The following NLRP9 variants were observed in gnomAD, a reference collection of about 807,000 sequenced individuals.
The protein encoded by NLRP9 is NLR family pyrin domain containing 9.
Under a neutral mutation model 83.1 loss-of-function variants are expected in NLRP9, and 88 were observed. The observed-to-expected ratio is 1.06, with a 90% CI of 0.89 to 1.26. NLRP9 has a LOEUF of 1.26. Ranked by LOEUF, NLRP9 falls within the 50% of genes most tolerant of loss-of-function variation. NLRP9 has a pLI of 0.00. For synonymous variants in NLRP9, 521 were observed against 447.6 expected (o/e 1.16, Z -2.07); for missense variants, 1,308 against 1,179.3 (o/e 1.11, Z -1.60).
In NLRP9 at chr19:55,729,892, G is replaced by T; in HGVS notation, c.1933C>A (p.Pro645Thr). Residue 645 changes from proline (P) to threonine (T), a missense_variant, in exon 3 of 9, where the codon CCC (proline) becomes ACC (threonine). Transcript: ENST00000332836. The part of the protein sequence containing the change: ...LDMENTSLDD[P>T]SLAILCKALA... ...GCTTTGCAAAGAATCGCCAGGGAGG[G>T]ATCATCGAGGCTGGTATTTTCCATG... is the stretch of plus-strand genomic sequence containing the variant. The T allele has an allele frequency of 1.2e-6, 2 of 1,613,678 alleles. No homozygotes were observed. The highest frequency in any genetic ancestry group is 1.7e-6 in the Non-Finnish European group (2 of 1,179,646).
At chr19:55,718,379 G>A (rs575257613) in intron 4 of NLRP9, among the ~76,000 whole-genome samples, 64 of 152,302 alleles carry the variant, frequency 4.2e-4, no homozygotes, top group Non-Finnish European at 4.6e-4. Context: ...TAAGAGGAAG[G>A]CTTCTGTCTC....
Position 55,733,039 on chromosome 19 carries a change from C to A in NLRP9, c.792G>T (p.Lys264Asn). Residue 264 changes from lysine to asparagine, a missense_variant, in exon 2 of 9, where the codon AAG (lysine) becomes AAT (asparagine). Lys to Asn is a moderately conservative substitution (Grantham distance 94, BLOSUM62 0). Coordinates refer to ENST00000332836, the MANE Select transcript of NLRP9 (RefSeq NM_176820.4). The part of the protein sequence containing the change: ...PIILSSLLQK[K>N]MLPESSLLIA... ...TAAGGAGAGAGGATTCTGGAAGCAT[C>A]TTTTTTTGCAACAAACTGCTCAGGA... The A allele has an allele frequency of 6.2e-7, 1 of 1,613,450 alleles. No individual in the cohort carries two copies. The highest frequency in any genetic ancestry group is 8.5e-7 in the Non-Finnish European group (1 of 1,179,876).
chr19:55,722,292 A>G lies in NLRP9; in HGVS notation c.2159+1688T>C, dbSNP rs545405057. ...ATAGATAAAACCCTATGCAAATAAC[A>G]TAATTATGAAATGGAGCAAAATACT... On this transcript the variant is annotated intron_variant, in intron 4 of 8. Coordinates refer to ENST00000332836, the MANE Select transcript of NLRP9 (RefSeq NM_176820.4). 2.2e-3 allele frequency among the ~76,000 whole-genome samples: 338 copies of G among 152,380 alleles called. 2 individuals carry two copies. Among genetic ancestry groups the G allele is most frequent in the Non-Finnish European group, 1.4e-3 (97 of 68,038 alleles).
chr19:55,720,981 T>G (rs763883754), intron 4 of NLRP9, among the ~76,000 whole-genome samples: 5 of 152,118 alleles, frequency 3.3e-5, no homozygotes, highest in Non-Finnish European at 5.9e-5. Flanking sequence ...CGAAGCAGAA[T>G]GGATTTGAAA....
At chr19:55,727,418 T>C (rs903202632) in intron 3 of NLRP9, among the ~76,000 whole-genome samples, 1 of 152,208 alleles carries the variant, frequency 6.6e-6, no homozygotes, top group African/African-American at 2.4e-5. Context: ...ATGTTACCAT[T>C]GACCTCATGT....
chr19:55,721,532 ACTCTAAT>A (rs905900741), intron 4 of NLRP9, among the ~76,000 whole-genome samples: 21 of 152,006 alleles, frequency 1.4e-4, no homozygotes, highest in Non-Finnish European at 1.5e-5. Context: ...GAGAAGCATC[ACTCTAAT>A]CTCTCCTAGG....
At chr19:55,719,425 T>A (rs1359892368) in intron 4 of NLRP9, among the ~76,000 whole-genome samples, 1 of 152,208 alleles carries the variant, frequency 6.6e-6, no homozygotes, top group Non-Finnish European at 1.5e-5. Flanking sequence ...AGTGCTGGGA[T>A]GACAGGTGTG....
chr19:55,732,515 T>TC lies in NLRP9; in HGVS notation c.1315dup (p.Asp439GlyfsTer29). ...ACACAGATGCATGAAGGCAAAACAG[T>TC]CCCCTCTCCTTTGGAGGAGTCTCAT... On this transcript the variant is annotated frameshift_variant, in exon 2 of 9. Coordinates refer to ENST00000332836, the MANE Select transcript of NLRP9 (RefSeq NM_176820.4). LOFTEE classifies it high-confidence loss of function. The TC allele has an allele frequency of 1.2e-6, 2 of 1,614,122 alleles. No homozygotes were observed. Among genetic ancestry groups the TC allele is most frequent in the Non-Finnish European group, 1.7e-6 (2 of 1,180,016 alleles).
intron 2 of NLRP9, 77 bp downstream of exon 2, chr19:55,731,922 C>T (rs1988583291): frequency 1.1e-6 from 1 of 892,648 alleles, no homozygotes. Flanking sequence ...TGGCATAAGG[C>T]CCATGAAATA....
In NLRP9 at chr19:55,712,422, G is replaced by A. The variant is rs146098794; in HGVS notation, c.2670C>T (p.Leu890=). ...LQHPHCKLEC[L]GLQTCPITRA... ...GATGGTGATCAGTAGATACTCACCC[G>A]AGACACTCTAATTTACAGTGAGGAT... Residue 890 remains leucine (L), a splice_region_variant and synonymous_variant, in exon 7 of 9, where the codon CTC becomes CTT. Transcript: ENST00000332836. 14,849 of 1,611,274 alleles carry A rather than the reference G, an allele frequency of 9.2e-3. 68 individuals are homozygous for A. The highest frequency in any genetic ancestry group is 0.012 in the Non-Finnish European group (13,589 of 1,178,682).
At position 55,708,731 on chromosome 19, in the gene NLRP9, A is replaced by G. The variant is rs1987552538; in HGVS notation, c.*181T>C. On this transcript the variant is annotated 3_prime_UTR_variant, in exon 9 of 9. Transcript: ENST00000332836. ...ACAAGGGGATATAGGACCGAGGCAA[A>G]GACAATCAGCATGTACACTGAATCA... The G allele has an allele frequency of 2.1e-6, 1 of 468,480 alleles. No individual in the cohort carries two copies. The highest frequency in any genetic ancestry group is 3.8e-6 in the Non-Finnish European group (1 of 263,546). 29.0% of individuals were successfully genotyped at this position (468,480 alleles called of 1,614,324 possible). A position where few individuals can be genotyped will look rare whatever the true frequency, so the allele number is the denominator to read the frequency against.
chr19:55,717,111 G>A (rs1000169356), intron 4 of NLRP9, among the ~76,000 whole-genome samples: 1 of 142,274 alleles, frequency 7.0e-6, no homozygotes, highest in Non-Finnish European at 1.5e-5. Flanking sequence ...TCGGCTCACC[G>A]CAACCTCCAC....
intron 8 of NLRP9, chr19:55,711,528 C>T (rs752346868): frequency 1.4e-5 from 18 of 1,263,090 alleles, no homozygotes; most frequent in Middle Eastern, 2.0e-4. Flanking sequence ...ACTGTGTCTC[C>T]GAGGGACTTC....
intron 3 of NLRP9, among the ~76,000 whole-genome samples, chr19:55,728,007 C>T (rs571379104): frequency 3.3e-5 from 5 of 152,232 alleles, no homozygotes; most frequent in South Asian, 2.1e-4. Context: ...GTCCTCTCCC[C>T]GTGGGATCAC....
intron 4 of NLRP9, among the ~76,000 whole-genome samples, chr19:55,722,794 A>T (rs1988269739): frequency 1.3e-5 from 2 of 152,218 alleles, no homozygotes; most frequent in Non-Finnish European, 2.9e-5. Context: ...TGGTACATGT[A>T]CACCATGGAA....
chr19:55,715,064 C>T lies in NLRP9; in HGVS notation c.2492G>A (p.Arg831Gln), dbSNP rs200811261. 1.1e-4 allele frequency: 177 copies of T among 1,610,298 alleles called. 2 individuals carry two copies. The South Asian group carries it at 1.4e-3, about 13-fold the overall frequency. ...TCATGGCCGGTCCTACCACAGCTCC[C>T]GTATGCTGCAGCCTGGGTGCTTCAG... ...AALKHPGCSI[R>Q]ELWLMGCFLT... The change falls in exon 6 of 9, where the codon CGG becomes CAG. Residue 831 changes from arginine to glutamine, a missense_variant. Physicochemically the swap from Arg to Gln is conservative, Grantham distance 43 (BLOSUM62 1). Transcript: ENST00000332836.
Position 55,733,919 on chromosome 19 carries a change from A to ATTTTTTTTTTTTTTTTTT in NLRP9, c.281-387_281-370dup, listed in dbSNP as rs765779528. Among the ~76,000 whole-genome samples the ATTTTTTTTTTTTTTTTTT allele has an allele frequency of 1.1e-4, 13 of 117,868 alleles. 1 individual carries two copies. Among genetic ancestry groups the ATTTTTTTTTTTTTTTTTT allele is most frequent in the African/African-American group, 3.9e-4 (11 of 27,912 alleles). 77.3% of individuals were successfully genotyped at this position (117,868 alleles called of 152,430 possible). A position where few individuals can be genotyped will look rare whatever the true frequency, so the allele number is the denominator to read the frequency against. On this transcript the variant is annotated intron_variant, in intron 1 of 8. Coordinates refer to ENST00000332836, the MANE Select transcript of NLRP9 (RefSeq NM_176820.4). ...ATAAACTCAACCAGTTGTCAACCAA[A>ATTTTTTTTTTTTTTTTTT]TTTTTTTTTTTTTTTTTTTTTGAGA...
chr19:55,732,394 T>G lies in NLRP9; in HGVS notation c.1437A>C (p.Ala479=), dbSNP rs781248656. ...AIGSITQLVR[A]SVVQPQTLLT... ...AGAGGGTTTGAGGCTGAACCACACT[T>G]GCTCTTACAAGCTGGGTTATGCTTC... Residue 479 remains alanine, a synonymous_variant, in exon 2 of 9, where the codon GCA becomes GCC. Coordinates refer to ENST00000332836, the MANE Select transcript of NLRP9 (RefSeq NM_176820.4). The G allele has an allele frequency of 1.9e-6, 3 of 1,614,118 alleles. No homozygotes were observed. The East Asian group carries it at 6.7e-5, about 36-fold the overall frequency.
At position 55,738,264 on chromosome 19, in the gene NLRP9, A is replaced by C. The variant is rs183607028; in HGVS notation, c.111T>G (p.Phe37Leu). ...KELLKQPLEK[F>L]ELKPIPWAEL... ...CAGCCCAGGGGATTGGCTTGAGTTC[A>C]AATTTCTCCAAAGGTTGTTTGAGGA... is the stretch of plus-strand genomic sequence containing the variant. Residue 37 changes from phenylalanine (F) to leucine (L), a missense_variant, in exon 1 of 9, where the codon TTT becomes TTG. Coordinates refer to ENST00000332836, the MANE Select transcript of NLRP9 (RefSeq NM_176820.4). 22 of 1,614,122 alleles carry C rather than the reference A, an allele frequency of 1.4e-5. No homozygotes were observed. Among genetic ancestry groups the C allele is most frequent in the Admixed American group, 1.0e-4 (6 of 60,006 alleles).
Sources: gnomAD v4.1 joint callset for allele counts (sites outside exome capture counted in the v4.1 genomes callset) on GRCh38, gnomAD v4.1.1 for gene constraint, MANE v1.5 for transcripts, NCBI Gene and HGNC (gene_info 2026-07-23, HGNC 2026-07-21) for gene names.